The following CSE1L variants were observed in gnomAD, a reference collection of about 807,000 sequenced individuals.
CSE1L encodes chromosome segregation 1 like.
In CSE1L, 24 loss-of-function variants were observed where a neutral mutation model predicts 120.4. That is an observed-to-expected ratio of 0.20 (90% CI 0.14 to 0.28). CSE1L has a LOEUF of 0.28. Ranked by LOEUF, CSE1L falls within the 10% of genes least tolerant of loss-of-function variation. The probability of loss-of-function intolerance (pLI) is 1.00; values close to 1 mark genes in which losing one functional copy is unlikely to be tolerated. For missense variants in CSE1L, 830 were observed against 1,145.2 expected, an observed-to-expected ratio of 0.72 and a Z score of 3.97; for synonymous variants, 402 against 398.3, an observed-to-expected ratio of 1.01 and a Z score of -0.11.
At chr20:49,083,837 T>C (rs936111748) in intron 14 of CSE1L, among the ~76,000 whole-genome samples, 189 bp from the exon 15 acceptor site, 26 of 152,180 alleles carry the variant, frequency 1.7e-4, no homozygotes, top group African/African-American at 6.0e-4. Flanking sequence ...AAGGAGAATT[T>C]AGAAAGTGGA....
At chr20:49,080,433 G>T (rs1475053685) in intron 14 of CSE1L, among the ~76,000 whole-genome samples, 2 of 152,010 alleles carry the variant, frequency 1.3e-5, no homozygotes, top group African/African-American at 4.8e-5. Flanking sequence ...AGATGAAGGA[G>T]AACGTTACAT....
intron 1 of CSE1L, among the ~76,000 whole-genome samples, chr20:49,050,112 C>CT (rs1308531719): frequency 6.6e-6 from 1 of 151,944 alleles, no homozygotes; most frequent in Non-Finnish European, 1.5e-5. Context: ...TAACCCCTCA[C>CT]TTTTTTTTAA....
chr20:49,060,443 C>T (rs1402826210), intron 2 of CSE1L, among the ~76,000 whole-genome samples: 1 of 150,504 alleles, frequency 6.6e-6, no homozygotes, highest in African/African-American at 2.4e-5. Flanking sequence ...GGCCACTGCA[C>T]TCCAGCCTGG....
At position 49,078,894 on chromosome 20, in the gene CSE1L, C is replaced by T. The variant is rs1476628114; in HGVS notation, c.1482+272C>T. On this transcript the variant is annotated intron_variant, in intron 14 of 24. Transcript: ENST00000262982. ...TAATTTACAATAGAGAGGTCCTTCT[C>T]TGCCACTTTTTGTTTGAGATGGAGT... 2.6e-5 allele frequency among the ~76,000 whole-genome samples: 4 copies of T among 152,160 alleles called. No individual in the cohort carries two copies. In the East Asian group the frequency reaches 7.7e-4, roughly 29 times the overall value.
At chr20:49,069,863 C>A (rs1418969355) in intron 7 of CSE1L, among the ~76,000 whole-genome samples, 4 of 152,168 alleles carry the variant, frequency 2.6e-5, no homozygotes, top group Non-Finnish European at 5.9e-5. Flanking sequence ...GGTCATCTTA[C>A]AATAAACGTA....
At position 49,092,056 on chromosome 20, in the gene CSE1L, C is replaced by T. The variant is rs776181505; in HGVS notation, c.2376C>T (p.Val792=). Residue 792 remains valine, a synonymous_variant, in exon 22 of 25, where the codon GTC becomes GTT. Transcript: ENST00000262982. ...KTTKFIKSFL[V]FINLYCIKYG... is the part of the protein sequence containing the mutation. ...ATCTTCTTTCAACAGGTTTTTTAGT[C>T]TTTATTAATTTGTATTGCATAAAAT... The T allele has an allele frequency of 6.4e-7, 1 of 1,559,966 alleles. No homozygotes were observed. The highest frequency in any genetic ancestry group is 1.1e-5 in the South Asian group (1 of 87,322).
rs142595637 is a variant in CSE1L, at chr20:49,051,239, A to G, written c.-12+4816A>G. On this transcript the variant is annotated intron_variant, in intron 1 of 24. Transcript: ENST00000262982. ...GCAGCAAGGCATCTCTGAAAAAAAG[A>G]TGACATTTGAAAAGAGTCCTTCCAG... Among the ~76,000 whole-genome samples, 303 of 152,342 alleles carry G rather than the reference A, an allele frequency of 2.0e-3. 1 individual carries two copies. The highest frequency in any genetic ancestry group is 6.9e-3 in the African/African-American group (288 of 41,568).
At chr20:49,078,524 CACT>C (rs1223102906) in intron 13 of CSE1L, 34 bp from the exon 14 acceptor site, 3 of 1,418,180 alleles carry the variant, frequency 2.1e-6, no homozygotes. Flanking sequence ...TGATCCTTAC[CACT>C]TAAGTAACTG....
intron 22 of CSE1L, among the ~76,000 whole-genome samples, chr20:49,092,860 T>C (rs1021471047): frequency 1.3e-5 from 2 of 151,872 alleles, no homozygotes; most frequent in Non-Finnish European, 2.9e-5. Flanking sequence ...TTTTAAAAAA[T>C]CGTGCTAATC....
At chr20:49,092,223 T>A (rs1003064455) in intron 22 of CSE1L, 96 bp downstream of exon 22, 7 of 658,792 alleles carry the variant, frequency 1.1e-5, no homozygotes, top group South Asian at 5.9e-5. Context: ...ATGATGTGGT[T>A]CTTGGTATGG....
rs761073414 is a variant in CSE1L at position 49,072,624 on chromosome 20, G to C, written c.993G>C (p.Lys331Asn). The C allele has an allele frequency of 6.2e-7, 1 of 1,613,842 alleles. No homozygotes were observed. The highest frequency in any genetic ancestry group is 8.5e-7 in the Non-Finnish European group (1 of 1,179,886). The change falls in exon 10 of 25, where the codon AAG (lysine) becomes AAC (asparagine). Residue 331 changes from lysine (K) to asparagine (N), a missense_variant. Physicochemically the swap from Lys to Asn is moderately conservative, Grantham distance 94. This residue lies in a region of CSE1L where 543 missense variants were observed against 640.2 expected (regional missense o/e 0.85). Transcript: ENST00000262982. ...LASVCERPHY[K>N]NLFEDQNTLT... is the part of the protein sequence containing the mutation. ...CAGTTTGTGAGAGACCTCATTATAAGAATCTATTTGAGGACCAGAACACGC... is the reference window on the plus strand; with the variant it reads ...CAGTTTGTGAGAGACCTCATTATAACAATCTATTTGAGGACCAGAACACGC...
At chr20:49,061,467 C>T (rs990376093) in intron 2 of CSE1L, among the ~76,000 whole-genome samples, 100 of 141,164 alleles carry the variant, frequency 7.1e-4, no homozygotes, top group African/African-American at 2.1e-3. Context: ...CCACCGTGCC[C>T]GGTGGAAAAA....
chr20:49,084,598 A>G (rs1384345942), intron 15 of CSE1L, among the ~76,000 whole-genome samples: 3 of 152,226 alleles, frequency 2.0e-5, no homozygotes, highest in African/African-American at 7.2e-5. Flanking sequence ...AGTTATTTTC[A>G]TGTGGCTATT....
intron 15 of CSE1L, among the ~76,000 whole-genome samples, chr20:49,084,850 CAATT>C (rs1446369433): frequency 1.3e-5 from 2 of 151,990 alleles, no homozygotes; most frequent in African/African-American, 2.4e-5. Context: ...TCTCAGTGGC[CAATT>C]AAGGGTAGAA....
At chr20:49,078,197 T>C (rs2091983699) in intron 13 of CSE1L, among the ~76,000 whole-genome samples, 1 of 152,214 alleles carries the variant, frequency 6.6e-6, no homozygotes, top group East Asian at 1.9e-4. Flanking sequence ...TCTATTCCTT[T>C]CATTAATTTA....
At chr20:49,090,883 T>G in intron 20 of CSE1L, 44 bp downstream of exon 20, 6 of 1,601,070 alleles carry the variant, frequency 3.7e-6, no homozygotes, top group Non-Finnish European at 5.1e-6. Context: ...GAAATTTTGT[T>G]AGGTGCTCAG....
chr20:49,061,476 AATT>A (rs769369504), intron 2 of CSE1L, among the ~76,000 whole-genome samples: 3,743 of 137,494 alleles, frequency 0.027, 98 homozygotes, highest in African/African-American at 0.066. Flanking sequence ...CCGGTGGAAA[AATT>A]ATTATTATTA....
At chr20:49,055,962 T>A (rs1369118487) in intron 1 of CSE1L, among the ~76,000 whole-genome samples, 1 of 152,132 alleles carries the variant, frequency 6.6e-6, no homozygotes, top group African/African-American at 2.4e-5. Context: ...AAAAATTGTG[T>A]GTTTAGTTTT....
intron 16 of CSE1L, among the ~76,000 whole-genome samples, chr20:49,087,368 TTGAGA>T (rs1272532441): frequency 1.3e-5 from 2 of 148,812 alleles, no homozygotes. Flanking sequence ...TTTTTTTTTT[TTGAGA>T]GAGAGAGGGA....
Sources: allele counts gnomAD v4.1 joint callset (sites outside exome capture counted in the v4.1 genomes callset), GRCh38; gene constraint gnomAD v4.1.1; regional missense constraint gnomAD v4.1.1; transcripts MANE v1.5; gene names NCBI Gene and HGNC (gene_info 2026-07-23, HGNC 2026-07-21).